ALCAM: variants seen among roughly 807,000 people sequenced by gnomAD.
The protein encoded by ALCAM is activated leukocyte cell adhesion molecule.
A neutral mutation model predicts 70.9 loss-of-function variants in ALCAM; 30 were observed. The ratio of observed to expected loss-of-function variants is 0.42; its 90% CI spans 0.32 to 0.57. The LOEUF (loss-of-function observed/expected upper bound fraction) is 0.57. ALCAM is among the 20% of genes least tolerant of loss of function. The pLI is 0.11. For missense variants in ALCAM, 591 were observed against 695.1 expected (o/e 0.85, Z 1.68); for synonymous variants, 249 against 242.5 (o/e 1.03, Z -0.25).
chr3:105,444,764 A>G (rs1397811053), intron 1 of ALCAM, among the ~76,000 whole-genome samples: 1 of 152,176 alleles, frequency 6.6e-6, no homozygotes, highest in East Asian at 1.9e-4. Flanking sequence ...TCATCTCCCT[A>G]TTTCTATCTT....
At chr3:105,406,612 A>G (rs1225576477) in intron 1 of ALCAM, among the ~76,000 whole-genome samples, 1 of 152,180 alleles carries the variant, frequency 6.6e-6, no homozygotes, top group Non-Finnish European at 1.5e-5. Flanking sequence ...CAAATAGACA[A>G]TCTAAAGTCA....
intron 12 of ALCAM, 129 bp downstream of exon 12, chr3:105,550,388 TATC>T: frequency 1.1e-6 from 1 of 944,380 alleles, no homozygotes; most frequent in Non-Finnish European, 1.5e-6. Context: ...TTGCATTTGG[TATC>T]ATCATCATAA....
intron 1 of ALCAM, among the ~76,000 whole-genome samples, chr3:105,453,878 T>A (rs940219298): frequency 6.6e-6 from 1 of 152,236 alleles, no homozygotes; most frequent in African/African-American, 2.4e-5. Context: ...CGCTCGTCTC[T>A]TGTTGGTGTA....
chr3:105,519,956 T>C, intron 1 of ALCAM, 111 bp from the exon 2 acceptor site: 1 of 622,910 alleles, frequency 1.6e-6, no homozygotes, highest in Non-Finnish European at 2.8e-6. Flanking sequence ...CTATAGCAGA[T>C]GACAACCTTC....
At chr3:105,498,499 ATGTG>A (rs5851461) in intron 1 of ALCAM, among the ~76,000 whole-genome samples, 1 of 150,200 alleles carries the variant, frequency 6.7e-6, no homozygotes, top group Non-Finnish European at 1.5e-5. Context: ...AGCCTGCCAA[ATGTG>A]TGTGTGTGTG....
chr3:105,378,542 TA>T (rs68027152), intron 1 of ALCAM, among the ~76,000 whole-genome samples: 38,111 of 151,536 alleles, frequency 0.25, 5,302 homozygotes, highest in Admixed American at 0.44. Flanking sequence ...GATCTAAGAG[TA>T]AAATGTAATT....
At chr3:105,407,275 A>C (rs1186138040) in intron 1 of ALCAM, among the ~76,000 whole-genome samples, 1 of 152,090 alleles carries the variant, frequency 6.6e-6, no homozygotes, top group Non-Finnish European at 1.5e-5. Context: ...ACAAAAAAAA[A>C]ACAACAGATC....
At chr3:105,550,844 ATG>A (rs1940384713) in intron 12 of ALCAM, among the ~76,000 whole-genome samples, 1 of 151,706 alleles carries the variant, frequency 6.6e-6, no homozygotes, top group Admixed American at 6.6e-5. Context: ...ATCTCAGAGA[ATG>A]TGGAAAAATC....
chr3:105,547,236 G>T lies in ALCAM; in HGVS notation c.1192G>T (p.Glu398Ter). ...CTATGTCTGCGAAACTGCTCTGCAG[G>T]AGGTTGAAGGACTAAAGAAAAGAGA... ...GNYVCETALQ[E>*]VEGLKKRESL... is the part of the protein sequence containing the mutation. The change falls in exon 10 of 16, where the codon GAG becomes TAG. Residue 398 changes from glutamate to a stop codon, truncating the protein, a stop_gained. Coordinates refer to ENST00000306107, the MANE Select transcript of ALCAM (RefSeq NM_001627.4). LOFTEE classifies it high-confidence loss of function. 6.2e-7 allele frequency: 1 copy of T among 1,606,852 alleles called. No individual in the cohort carries two copies. Among genetic ancestry groups the T allele is most frequent in the Non-Finnish European group, 8.5e-7 (1 of 1,176,650 alleles).
At chr3:105,401,400 T>C (rs1310818105) in intron 1 of ALCAM, among the ~76,000 whole-genome samples, 1 of 152,186 alleles carries the variant, frequency 6.6e-6, no homozygotes, top group Non-Finnish European at 1.5e-5. Context: ...AGAGGAGCAG[T>C]ACAAAATGTT....
chr3:105,539,152 A>G (rs1247181703), intron 6 of ALCAM, among the ~76,000 whole-genome samples: 2 of 152,098 alleles, frequency 1.3e-5, no homozygotes, highest in Non-Finnish European at 2.9e-5. Context: ...TATGATTTCA[A>G]AATTTATTAT....
At chr3:105,473,354 C>T (rs1937989699) in intron 1 of ALCAM, among the ~76,000 whole-genome samples, 1 of 151,432 alleles carries the variant, frequency 6.6e-6, no homozygotes, top group Non-Finnish European at 1.5e-5. Flanking sequence ...CAAGAAAATA[C>T]CTGCTTTTTA....
At chr3:105,547,661 C>A in intron 11 of ALCAM, 138 bp downstream of exon 11, 1 of 1,038,112 alleles carries the variant, frequency 9.6e-7, no homozygotes, top group Non-Finnish European at 1.4e-6. Flanking sequence ...ATAGAATTTG[C>A]AGTACATGCT....
chr3:105,460,110 A>G (rs898080400), intron 1 of ALCAM, among the ~76,000 whole-genome samples: 2 of 152,036 alleles, frequency 1.3e-5, no homozygotes, highest in Non-Finnish European at 2.9e-5. Context: ...TATGTGGTGG[A>G]TAGTCTCTCT....
chr3:105,434,490 C>T (rs1348595160), intron 1 of ALCAM, among the ~76,000 whole-genome samples: 3 of 151,964 alleles, frequency 2.0e-5, no homozygotes, highest in African/African-American at 7.2e-5. Flanking sequence ...CTTGTCCTTA[C>T]TTCAAAAATA....
At chr3:105,531,347 T>C (rs1193957544) in intron 3 of ALCAM, 1 of 152,136 alleles carries the variant, frequency 6.6e-6, no homozygotes, top group African/African-American at 2.4e-5. Flanking sequence ...TTTTCTCACA[T>C]TTACACTTTC....
At chr3:105,485,396 T>C (rs73854307) in intron 1 of ALCAM, among the ~76,000 whole-genome samples, 72 of 143,418 alleles carry the variant, frequency 5.0e-4, no homozygotes, top group East Asian at 8.5e-4. Context: ...TGTGTGTGTG[T>C]GCGCGCACAT....
chr3:105,374,827 T>G (rs1334422220), intron 1 of ALCAM, among the ~76,000 whole-genome samples: 2 of 152,160 alleles, frequency 1.3e-5, no homozygotes, highest in Non-Finnish European at 2.9e-5. Context: ...CCAATGTGAC[T>G]TCTTATATAG....
chr3:105,430,057 AAC>A (rs896089888), intron 1 of ALCAM, among the ~76,000 whole-genome samples: 7 of 152,146 alleles, frequency 4.6e-5, no homozygotes, highest in African/African-American at 1.7e-4. Context: ...AATTTTAATA[AAC>A]ACACAATATA....
Sources: allele counts gnomAD v4.1 joint callset (sites outside exome capture counted in the v4.1 genomes callset), GRCh38; gene constraint gnomAD v4.1.1; transcripts MANE v1.5; gene names NCBI Gene and HGNC (gene_info 2026-07-23, HGNC 2026-07-21).